ATP6V0A1: variants seen among roughly 807,000 people sequenced by gnomAD.
The protein encoded by ATP6V0A1 is ATPase H+ transporting V0 subunit a1, also known as V-type proton ATPase 116 kDa subunit a 1.
ATP6V0A1 carries 43 observed loss-of-function variants against 105.4 expected under a neutral mutation model. That is an observed-to-expected ratio of 0.41 (90% CI 0.32 to 0.53). The LOEUF is 0.53. Among genes scored for constraint, ATP6V0A1 ranks in the 20% least tolerant of loss-of-function variants. The pLI is 0.30. For synonymous variants in ATP6V0A1, 362 were observed against 372.8 expected, an observed-to-expected ratio of 0.97 and a Z score of 0.33; for missense variants, 676 against 1,051.1, an observed-to-expected ratio of 0.64 and a Z score of 4.93.
intron 17 of ATP6V0A1, among the ~76,000 whole-genome samples, chr17:42,504,103 C>A (rs1375906918): frequency 1.3e-5 from 2 of 152,164 alleles, no homozygotes; most frequent in Non-Finnish European, 2.9e-5. Flanking sequence ...CTTCTTACCC[C>A]ACTGGTTCTT....
At chr17:42,461,145 C>A in intron 2 of ATP6V0A1, 134 bp downstream of exon 2, 1 of 758,296 alleles carries the variant, frequency 1.3e-6, no homozygotes, top group Non-Finnish European at 2.3e-6. Flanking sequence ...TGGCAGAATG[C>A]ACATTTTGAG....
At chr17:42,474,006 AT>A (rs906194746) in intron 5 of ATP6V0A1, among the ~76,000 whole-genome samples, 211 of 137,816 alleles carry the variant, frequency 1.5e-3, no homozygotes, top group Middle Eastern at 3.6e-3. Flanking sequence ...TCCCTCTCCT[AT>A]TTTTTTTTTT....
chr17:42,465,053 C>G (rs2086873665), intron 2 of ATP6V0A1, among the ~76,000 whole-genome samples: 2 of 152,206 alleles, frequency 1.3e-5, no homozygotes, highest in African/African-American at 4.8e-5. Context: ...AGTGCAATGG[C>G]ACGATCTTGG....
intron 8 of ATP6V0A1, among the ~76,000 whole-genome samples, chr17:42,481,694 C>T (rs1161325112): frequency 6.6e-6 from 1 of 151,810 alleles, no homozygotes; most frequent in Admixed American, 6.6e-5. Flanking sequence ...AAACTAAAAA[C>T]TGAAAAAAAA....
chr17:42,468,139 C>T, intron 4 of ATP6V0A1, 32 bp downstream of exon 4: 1 of 1,448,428 alleles, frequency 6.9e-7, no homozygotes, highest in Non-Finnish European at 9.4e-7. Context: ...AGAAAAGTTT[C>T]TTTCTACTTG....
At chr17:42,478,378 T>G (rs1321766641) in intron 6 of ATP6V0A1, 85 bp from the exon 7 acceptor site, 1 of 956,192 alleles carries the variant, frequency 1.0e-6, no homozygotes, top group East Asian at 5.9e-5. Context: ...GATATATATA[T>G]AAATATAAAT....
In ATP6V0A1 at chr17:42,500,906, A is replaced by G. The variant is rs147746945; in HGVS notation, c.1879A>G (p.Met627Val). The change falls in exon 16 of 22, where the codon ATG (methionine) becomes GTG (valine). Residue 627 changes from methionine (M) to valine (V), a missense_variant. Met to Val is a conservative substitution (Grantham distance 21). Transcript: ENST00000343619. ...TTCCTACCCAGAGTCTGGTTATTCA[A>G]TGTTGTATTCTGGACAGGTACGTCA... ...LFSYPESGYS[M>V]LYSGQKGIQC... 122 of 1,613,184 alleles carry G rather than the reference A, an allele frequency of 7.6e-5. No homozygotes were observed. The highest frequency in any genetic ancestry group is 8.9e-5 in the Non-Finnish European group (105 of 1,179,262).
rs967670716 is a variant in ATP6V0A1, at chr17:42,521,368, C to G, written c.*248C>G. On this transcript the variant is annotated 3_prime_UTR_variant, in exon 22 of 22. Transcript: ENST00000343619. The surrounding 1 kb of genome is among the most constrained non-coding windows in gnomAD (Gnocchi z 4.8). Reference sequence around the variant, plus strand: ...CCAGCCTTGCCCTCTTAGCCTCCATCCATCCAGACAGCCCTTCCCACCTCC... The same window carrying G: ...CCAGCCTTGCCCTCTTAGCCTCCATGCATCCAGACAGCCCTTCCCACCTCC... 2 of 317,014 alleles carry G rather than the reference C, an allele frequency of 6.3e-6. No individual in the cohort carries two copies. Among genetic ancestry groups the G allele is most frequent in the Non-Finnish European group, 1.2e-5 (2 of 172,596 alleles). The allele number at this position is 317,014 out of a possible 1,614,324, so 19.6% of individuals were successfully genotyped here.
Position 42,472,702 on chromosome 17 carries a change from C to T in ATP6V0A1, c.423+2484C>T, listed in dbSNP as rs141500601. On this transcript the variant is annotated intron_variant, in intron 5 of 21. Coordinates refer to ENST00000343619, the MANE Select transcript of ATP6V0A1 (RefSeq NM_001130021.3). ...TCGCACCACTGCACTCTAGCCTGGG[C>T]GAAAGAGCGAGACTCCATCTCAAAA... Among the ~76,000 whole-genome samples the T allele has an allele frequency of 1.3e-3, 197 of 151,782 alleles. 3 individuals are homozygous for T. In the East Asian group the frequency reaches 0.025, roughly 19 times the overall value.
chr17:42,515,982 G>T (rs1323664764), intron 21 of ATP6V0A1, among the ~76,000 whole-genome samples: 1 of 151,920 alleles, frequency 6.6e-6, no homozygotes, highest in Non-Finnish European at 1.5e-5. Context: ...CTTTTTGGGG[G>T]TCTCAAAACC....
intron 14 of ATP6V0A1, 137 bp from the exon 15 acceptor site, chr17:42,498,787 C>T (rs34779517): frequency 0.24 from 131,421 of 555,684 alleles, 17,723 homozygotes; most frequent in Admixed American, 0.28. Context: ...GATCACGCCA[C>T]TGCACTCCAG....
chr17:42,507,771 C>T, intron 18 of ATP6V0A1, 144 bp downstream of exon 18: 2 of 720,576 alleles, frequency 2.8e-6, no homozygotes, highest in South Asian at 1.5e-5. Context: ...CCTCTTAGGG[C>T]ACCACAGCTT....
At chr17:42,483,849 T>G (rs1481353293) in intron 9 of ATP6V0A1, among the ~76,000 whole-genome samples, 2 of 152,136 alleles carry the variant, frequency 1.3e-5, no homozygotes, top group Non-Finnish European at 2.9e-5. Context: ...CCCAAAGTGC[T>G]GGGATTACAA....
intron 18 of ATP6V0A1, among the ~76,000 whole-genome samples, chr17:42,508,330 A>T (rs532724299): frequency 3.9e-5 from 6 of 152,326 alleles, no homozygotes; most frequent in Non-Finnish European, 8.8e-5. Flanking sequence ...CACTTTCACT[A>T]TATATGATTT....
At chr17:42,470,416 T>TC in intron 5 of ATP6V0A1, 198 bp downstream of exon 5, 3 of 550,192 alleles carry the variant, frequency 5.5e-6, no homozygotes, top group Non-Finnish European at 9.2e-6. Flanking sequence ...TTGCATTTTT[T>TC]CACATTTTCT....
intron 10 of ATP6V0A1, among the ~76,000 whole-genome samples, chr17:42,487,949 A>T (rs2090270928): frequency 6.6e-6 from 1 of 152,182 alleles, no homozygotes; most frequent in Non-Finnish European, 1.5e-5. Context: ...TAATTTGGTC[A>T]TATGCCCATG....
intron 16 of ATP6V0A1, 76 bp downstream of exon 16, chr17:42,500,999 AAATT>A: frequency 6.8e-7 from 1 of 1,481,372 alleles, no homozygotes; most frequent in South Asian, 1.2e-5. Flanking sequence ...TGACCCTAAA[AAATT>A]TATAACTGCC....
chr17:42,519,449 A>G (rs1052316763), intron 21 of ATP6V0A1: 2 of 152,220 alleles, frequency 1.3e-5, no homozygotes, highest in South Asian at 2.1e-4. Context: ...CTCTCTGGCT[A>G]TGTATTGTTG....
intron 4 of ATP6V0A1, 32 bp downstream of exon 4, chr17:42,468,139 C>A: frequency 6.9e-7 from 1 of 1,448,428 alleles, no homozygotes; most frequent in African/African-American, 1.4e-5. Context: ...AGAAAAGTTT[C>A]TTTCTACTTG....
Sources: allele counts gnomAD v4.1 joint callset (sites outside exome capture counted in the v4.1 genomes callset), GRCh38; gene constraint gnomAD v4.1.1; non-coding constraint Gnocchi (gnomAD v3.1); transcripts MANE v1.5; gene names NCBI Gene and HGNC (gene_info 2026-07-23, HGNC 2026-07-21).